The following SHROOM3 variants were observed in gnomAD, a reference collection of about 807,000 sequenced individuals.
The protein encoded by SHROOM3 is protein Shroom3.
A neutral mutation model predicts 138.6 loss-of-function variants in SHROOM3; 47 were observed. The ratio of observed to expected loss-of-function variants is 0.34; its 90% CI spans 0.27 to 0.43. The LOEUF (loss-of-function observed/expected upper bound fraction) is 0.43, where lower values mean the gene tolerates loss of function less well. SHROOM3 is among the 20% of genes least tolerant of loss of function. The probability of loss-of-function intolerance (pLI) is 1.00; values close to 1 mark genes in which losing one functional copy is unlikely to be tolerated. For missense variants in SHROOM3, 2,491 were observed against 2,596.5 expected (o/e 0.96, Z 0.88); for synonymous variants, 1,062 against 1,063.3 (o/e 1.00, Z 0.02).
chr4:76,755,095 A>G lies in SHROOM3; in HGVS notation c.4612A>G (p.Thr1538Ala), dbSNP rs1721761966. The G allele has an allele frequency of 1.9e-6, 3 of 1,598,652 alleles. No individual in the cohort carries two copies. Among genetic ancestry groups the G allele is most frequent in the Non-Finnish European group, 2.6e-6 (3 of 1,170,462 alleles). ...PPPPPPPSQE[T>A]PVYSMDDFPP... ...CCCACCTCCTCCACCGAGTCAGGAA[A>G]CCCCGGTGTATAGCATGGATGACTT... The change falls in exon 7 of 11, where the codon ACC becomes GCC. Residue 1538 changes from threonine (T) to alanine (A), a missense_variant. Transcript: ENST00000296043.
chr4:76,763,701 G>A (rs368281813), intron 9 of SHROOM3, among the ~76,000 whole-genome samples: 71 of 152,280 alleles, frequency 4.7e-4, no homozygotes, highest in Non-Finnish European at 9.1e-4. Flanking sequence ...GCTGAAGTTC[G>A]GATTTTATCA....
At position 76,781,282 on chromosome 4, in the gene SHROOM3, T is replaced by G. The variant is rs1163767121; in HGVS notation, c.*2105T>G. 1 of 152,002 alleles carries G rather than the reference T, an allele frequency of 6.6e-6. No individual in the cohort carries two copies. The highest frequency in any genetic ancestry group is 2.4e-5 in the African/African-American group (1 of 41,358). 9.4% of individuals were successfully genotyped at this position (152,002 alleles called of 1,614,324 possible). ...AGCTGGGACCACAGGTGTGCACCAC[T>G]ATGCTTGGCTAATTTTTTGATTTTT... On this transcript the variant is annotated 3_prime_UTR_variant, in exon 11 of 11. Coordinates refer to ENST00000296043, the MANE Select transcript of SHROOM3 (RefSeq NM_020859.4).
Position 76,781,761 on chromosome 4 carries a change from C to T in SHROOM3, c.*2584C>T, listed in dbSNP as rs1176863035. On this transcript the variant is annotated 3_prime_UTR_variant, in exon 11 of 11. Transcript: ENST00000296043. ...CCCTTTCCTATTTTGCATTCTTCTC[C>T]CACTATTTTTAAAAACTCATTTACA... is the stretch of plus-strand genomic sequence containing the variant. The T allele has an allele frequency of 6.6e-6, 1 of 152,126 alleles. No homozygotes were observed. The highest frequency in any genetic ancestry group is 2.4e-5 in the African/African-American group (1 of 41,420). The allele number at this position is 152,126 out of a possible 1,614,324, so 9.4% of individuals were successfully genotyped here. A position where few individuals can be genotyped will look rare whatever the true frequency, so the allele number is the denominator to read the frequency against.
At position 76,774,958 on chromosome 4, in the gene SHROOM3, C is replaced by CT. The variant is rs934421390; in HGVS notation, c.5623-3842dup. Among the ~76,000 whole-genome samples, 53 of 151,044 alleles carry CT rather than the reference C, an allele frequency of 3.5e-4. No individual in the cohort carries two copies. The East Asian group carries it at 6.0e-3, about 17-fold the overall frequency. On this transcript the variant is annotated intron_variant, in intron 10 of 10. Transcript: ENST00000296043. ...TTTTCATTTTAATTTTCCACAATCA[C>CT]TTTTTTTTTATTTCAATAGGTTTTT...
At chr4:76,715,772 TTGGCA>T (rs1720355447) in intron 3 of SHROOM3, among the ~76,000 whole-genome samples, 1 of 152,192 alleles carries the variant, frequency 6.6e-6, no homozygotes, top group South Asian at 2.1e-4. Context: ...GTGCTGTCCC[TTGGCA>T]GTGAGTTCTG....
intron 1 of SHROOM3, among the ~76,000 whole-genome samples, chr4:76,553,496 G>C (rs781425846): frequency 6.6e-6 from 1 of 151,926 alleles, no homozygotes; most frequent in Non-Finnish European, 1.5e-5. Context: ...GGCTGGTCTC[G>C]AACTCCTGAC....
At chr4:76,676,538 A>C (rs1719031652) in intron 2 of SHROOM3, among the ~76,000 whole-genome samples, 1 of 152,122 alleles carries the variant, frequency 6.6e-6, no homozygotes, top group African/African-American at 2.4e-5. Context: ...TTGGATGAGG[A>C]TCAGAGGCAT....
chr4:76,442,253 C>T lies in SHROOM3; in HGVS notation c.168+6033C>T, dbSNP rs140650179. Reference sequence around the variant, plus strand: ...AGGAAAATTAGCAATCATGTAATAACTTTCTTCGTACACAGAGAGAAAACT... The same window carrying T: ...AGGAAAATTAGCAATCATGTAATAATTTTCTTCGTACACAGAGAGAAAACT... On this transcript the variant is annotated intron_variant, in intron 1 of 10. Transcript: ENST00000296043. Among the ~76,000 whole-genome samples, 26 of 152,190 alleles carry T rather than the reference C, an allele frequency of 1.7e-4. No homozygotes were observed. The East Asian group carries it at 3.7e-3, about 21-fold the overall frequency.
At chr4:76,674,481 T>A (rs180718071) in intron 2 of SHROOM3, among the ~76,000 whole-genome samples, 1 of 151,976 alleles carries the variant, frequency 6.6e-6, no homozygotes, top group Non-Finnish European at 1.5e-5. Context: ...ATAATCCTTT[T>A]TTCCTAGATC....
intron 2 of SHROOM3, among the ~76,000 whole-genome samples, chr4:76,618,971 C>G (rs924384861): frequency 2.0e-5 from 3 of 152,178 alleles, no homozygotes; most frequent in Non-Finnish European, 4.4e-5. Flanking sequence ...CCTCAGCCTC[C>G]TGAGTAGCTG....
chr4:76,449,620 C>T (rs1008073831), intron 1 of SHROOM3, among the ~76,000 whole-genome samples: 1 of 152,236 alleles, frequency 6.6e-6, no homozygotes, highest in Admixed American at 6.5e-5. Context: ...TTGTTTTTTG[C>T]TTGAGTTCAC....
At chr4:76,543,224 C>T (rs998881017) in intron 1 of SHROOM3, among the ~76,000 whole-genome samples, 3 of 152,104 alleles carry the variant, frequency 2.0e-5, no homozygotes, top group African/African-American at 7.2e-5. Flanking sequence ...AAGAGGCATG[C>T]TACCAGTTTC....
At position 76,755,001 on chromosome 4, in the gene SHROOM3, C is replaced by G. The variant is rs147919147; in HGVS notation, c.4518C>G (p.Asp1506Glu). The change falls in exon 7 of 11, where the codon GAC (aspartate) becomes GAG (glutamate). Residue 1506 changes from aspartate (D) to glutamate (E), a missense_variant. By Grantham distance (45) the Asp-to-Glu change is conservative. This residue lies in a region of SHROOM3 where 1,733 missense variants were observed against 1,661.6 expected (regional missense o/e 1.04). Coordinates refer to ENST00000296043, the MANE Select transcript of SHROOM3 (RefSeq NM_020859.4). ...DSPPPHEDYEDEVFVRDPHPK... is the reference protein window; with the variant it reads ...DSPPPHEDYEEEVFVRDPHPK... ...CGCCACCTCATGAGGATTATGAAGA[C>G]GAAGTGTTTGTGAGGGATCCGCACC... The G allele has an allele frequency of 7.2e-5, 116 of 1,612,222 alleles. No homozygotes were observed. The highest frequency in any genetic ancestry group is 9.5e-5 in the Non-Finnish European group (112 of 1,178,662).
chr4:76,444,823 A>C (rs907786295), intron 1 of SHROOM3, among the ~76,000 whole-genome samples: 61 of 152,070 alleles, frequency 4.0e-4, no homozygotes, highest in Admixed American at 2.6e-3. Flanking sequence ...GGCACCAGGC[A>C]TGGTGGCTCA....
Position 76,780,612 on chromosome 4 carries a change from AT to A in SHROOM3, c.*1436del. 6.6e-6 allele frequency: 1 copy of A among 152,162 alleles called. No individual in the cohort carries two copies. Among genetic ancestry groups the A allele is most frequent in the Middle Eastern group, 3.4e-3 (1 of 292 alleles). The allele number at this position is 152,162 out of a possible 1,614,324, so 9.4% of individuals were successfully genotyped here. ...CATTTTCATTACTTAATGAAGTTTT[AT>A]CTCCTATGTAAGAATATCAAAATTG... is the stretch of plus-strand genomic sequence containing the variant. On this transcript the variant is annotated 3_prime_UTR_variant, in exon 11 of 11. Coordinates refer to ENST00000296043, the MANE Select transcript of SHROOM3 (RefSeq NM_020859.4).
chr4:76,776,824 C>G (rs1437395169), intron 10 of SHROOM3, among the ~76,000 whole-genome samples: 1 of 152,142 alleles, frequency 6.6e-6, no homozygotes, highest in African/African-American at 2.4e-5. Flanking sequence ...TGTGGCTTAC[C>G]AATTATTCCA....
chr4:76,778,982 C>G lies in SHROOM3; in HGVS notation c.5796C>G (p.Leu1932=), dbSNP rs757842790. Reference sequence around the variant, plus strand: ...TCGTGAAAATGAAGTCCACGCTCCTCATTGAGCAACGGAAGCTGGATGACA... The same window carrying G: ...TCGTGAAAATGAAGTCCACGCTCCTGATTGAGCAACGGAAGCTGGATGACA... ...QHFVKMKSTL[L]IEQRKLDDKI... is the part of the protein sequence containing the mutation. The change falls in exon 11 of 11, where the codon CTC becomes CTG. Residue 1932 remains leucine (L), a synonymous_variant. Coordinates refer to ENST00000296043, the MANE Select transcript of SHROOM3 (RefSeq NM_020859.4). The G allele has an allele frequency of 6.2e-7, 1 of 1,614,192 alleles. No individual in the cohort carries two copies. The highest frequency in any genetic ancestry group is 8.5e-7 in the Non-Finnish European group (1 of 1,180,044).
intron 10 of SHROOM3, among the ~76,000 whole-genome samples, chr4:76,771,577 A>C (rs1722358101): frequency 6.6e-6 from 1 of 152,202 alleles, no homozygotes; most frequent in African/African-American, 2.4e-5. Flanking sequence ...ATGAGGGGCC[A>C]CAGGCACTCA....
At chr4:76,546,882 T>C (rs1359993401) in intron 1 of SHROOM3, among the ~76,000 whole-genome samples, 2 of 152,192 alleles carry the variant, frequency 1.3e-5, no homozygotes, top group Non-Finnish European at 2.9e-5. Context: ...AAGAAATCAT[T>C]CAAGAATTTA....
Sources: allele counts gnomAD v4.1 joint callset (sites outside exome capture counted in the v4.1 genomes callset), GRCh38; gene constraint gnomAD v4.1.1; regional missense constraint gnomAD v4.1.1; transcripts MANE v1.5; gene names NCBI Gene and HGNC (gene_info 2026-07-23, HGNC 2026-07-21).